The following ZFP90 variants were observed in gnomAD, a reference collection of about 807,000 sequenced individuals.
The protein encoded by ZFP90 is zinc finger protein 90 homolog.
A neutral mutation model predicts 60.8 loss-of-function variants in ZFP90; 38 were observed. The ratio of observed to expected loss-of-function variants is 0.62; its 90% CI spans 0.48 to 0.82. The LOEUF (loss-of-function observed/expected upper bound fraction) is 0.82, where lower values mean the gene tolerates loss of function less well. Ranked by LOEUF, ZFP90 falls within the 40% of genes least tolerant of loss-of-function variation. The probability of loss-of-function intolerance (pLI) is 0.00; values close to 1 mark genes in which losing one functional copy is unlikely to be tolerated. For synonymous variants in ZFP90, 287 were observed against 264.8 expected (o/e 1.08, Z -0.82); for missense variants, 711 against 759.1 (o/e 0.94, Z 0.74).
intron 2 of ZFP90, among the ~76,000 whole-genome samples, chr16:68,540,252 C>A (rs1261385254): frequency 6.6e-6 from 1 of 152,044 alleles, no homozygotes; most frequent in Non-Finnish European, 1.5e-5. Flanking sequence ...CGTAAGGGGC[C>A]GTAGAAGCCT....
intron 2 of ZFP90, among the ~76,000 whole-genome samples, chr16:68,556,398 C>T (rs913727906): frequency 3.3e-5 from 5 of 152,098 alleles, no homozygotes; most frequent in African/African-American, 4.8e-5. Flanking sequence ...TTGACCTAGC[C>T]GTTGTAATTT....
At chr16:68,574,961 A>G (rs1458584852) in intron 2 of ZFP90, among the ~76,000 whole-genome samples, 5 of 151,696 alleles carry the variant, frequency 3.3e-5, no homozygotes, top group Admixed American at 6.6e-5. Context: ...AAAAAGAGAC[A>G]CTGTGAAACC....
rs1383785756 is a variant in ZFP90, at chr16:68,558,472, G to A, written c.161-1G>A. On this transcript the variant is annotated splice_acceptor_variant, in intron 3 of 4. Transcript: ENST00000563169. LOFTEE classifies it high-confidence loss of function. ...AATCTTGTGTATTTACCCATGAGCA[G>A]GATATCAAGTTTCCAAGCCAGAGGT... 1 of 1,613,786 alleles carries A rather than the reference G, an allele frequency of 6.2e-7. No individual in the cohort carries two copies. Among genetic ancestry groups the A allele is most frequent in the Non-Finnish European group, 8.5e-7 (1 of 1,179,858 alleles).
chr16:68,540,172 A>G (rs2091015914), intron 2 of ZFP90, among the ~76,000 whole-genome samples: 1 of 152,054 alleles, frequency 6.6e-6, no homozygotes, highest in African/African-American at 2.4e-5. Context: ...AACACTGTAG[A>G]GGAGGAAGTG....
chr16:68,539,925 C>T (rs2091009450), intron 2 of ZFP90, 100 bp downstream of exon 2: 1 of 1,480,596 alleles, frequency 6.8e-7, no homozygotes, highest in East Asian at 2.5e-5. Flanking sequence ...CTGGCGACTC[C>T]CTTACTTGCT....
chr16:68,535,957 T>A (rs906113387), upstream of ZFP90, among the ~76,000 whole-genome samples: 3 of 152,184 alleles, frequency 2.0e-5, no homozygotes. Context: ...CGGCTCTGCT[T>A]CAGCTTCCTT....
chr16:68,568,938 A>G (rs569269248), downstream of ZFP90, among the ~76,000 whole-genome samples: 10 of 152,256 alleles, frequency 6.6e-5, no homozygotes, highest in South Asian at 4.1e-4. Context: ...TTGGCCTCCC[A>G]AAGTGCTGGG....
chr16:68,557,918 G>T, intron 2 of ZFP90, 80 bp from the exon 3 acceptor site: 1 of 1,578,434 alleles, frequency 6.3e-7, no homozygotes, highest in South Asian at 1.1e-5. Flanking sequence ...ACTTCTGATA[G>T]CTCCTGCAGT....
chr16:68,573,081 G>A (rs536861105), intron 2 of ZFP90, among the ~76,000 whole-genome samples: 3 of 152,352 alleles, frequency 2.0e-5, no homozygotes, highest in Admixed American at 1.3e-4. Context: ...GAGAATGAAG[G>A]GGAAGCTAAT....
chr16:68,555,660 ATGAGTAGGTTTGTT>A (rs1356124380), intron 2 of ZFP90, among the ~76,000 whole-genome samples: 1 of 152,180 alleles, frequency 6.6e-6, no homozygotes, highest in Non-Finnish European at 1.5e-5. Context: ...CATTAAATAG[ATGAGTAGGTTTGTT>A]TGAATAATGG....
intron 2 of ZFP90, among the ~76,000 whole-genome samples, chr16:68,545,379 AT>A (rs1315609954): frequency 3.9e-5 from 6 of 152,188 alleles, no homozygotes; most frequent in Non-Finnish European, 8.8e-5. Context: ...TGCTACTAAT[AT>A]AGCACAAATT....
At chr16:68,557,119 C>A in intron 2 of ZFP90, 1 of 448,644 alleles carries the variant, frequency 2.2e-6, no homozygotes, top group South Asian at 1.6e-5. Context: ...TCCTGAGTAG[C>A]TGGGACTGTA....
upstream of ZFP90, among the ~76,000 whole-genome samples, chr16:68,536,702 C>T (rs892431084): frequency 2.0e-5 from 3 of 152,186 alleles, no homozygotes; most frequent in Non-Finnish European, 4.4e-5. Flanking sequence ...GAATTCAGCA[C>T]CCAGCTTCCT....
chr16:68,559,125 T>G (rs1234305037), intron 4 of ZFP90, among the ~76,000 whole-genome samples: 1 of 152,170 alleles, frequency 6.6e-6, no homozygotes, highest in Non-Finnish European at 1.5e-5. Flanking sequence ...GTCTTTAGCT[T>G]TTCTTGCTTT....
chr16:68,566,300 A>C lies in ZFP90; in HGVS notation c.*1602A>C. ...TGCAGACCAATTTGGGCACAACTGG[A>C]CATTGATTCCTTTTACACAAGAGCT... On this transcript the variant is annotated 3_prime_UTR_variant, in exon 5 of 5. Transcript: ENST00000563169. The C allele has an allele frequency of 1.0e-6, 1 of 985,536 alleles. No individual in the cohort carries two copies. The allele number at this position is 985,536 out of a possible 1,614,324, so 61.0% of individuals were successfully genotyped here.
At chr16:68,549,008 T>G (rs765334020) in intron 2 of ZFP90, among the ~76,000 whole-genome samples, 6 of 152,174 alleles carry the variant, frequency 3.9e-5, no homozygotes, top group Non-Finnish European at 7.3e-5. Flanking sequence ...TTTTCCTGCA[T>G]TGAGAATTAC....
At chr16:68,543,248 G>A (rs2091084351) in intron 2 of ZFP90, among the ~76,000 whole-genome samples, 1 of 152,184 alleles carries the variant, frequency 6.6e-6, no homozygotes, top group African/African-American at 2.4e-5. Flanking sequence ...TTGAGCTGGT[G>A]ATTTGGGGCA....
In ZFP90 at chr16:68,565,338, G is replaced by A. The variant is rs113543669; in HGVS notation, c.*640G>A. The A allele has an allele frequency of 6.8e-5, 67 of 985,502 alleles. No individual in the cohort carries two copies. In the African/African-American group the frequency reaches 7.8e-4, roughly 12 times the overall value. 61.0% of individuals were successfully genotyped at this position (985,502 alleles called of 1,614,324 possible). A position where few individuals can be genotyped will look rare whatever the true frequency, so the allele number is the denominator to read the frequency against. On this transcript the variant is annotated 3_prime_UTR_variant, in exon 5 of 5. Coordinates refer to ENST00000563169, the MANE Select transcript of ZFP90 (RefSeq NM_001305203.2). ...GAAAAGGTTATTTTTGGACTCAGAG[G>A]GCTTTAAAATAAATTTTAAGATGTA...
At chr16:68,576,043 A>ATT (rs1567418621) in exon 3 of ZFP90, 6 of 221,624 alleles carry the variant, frequency 2.7e-5, no homozygotes, top group African/African-American at 1.4e-4. Context: ...ATTTATTTAA[A>ATT]AAAAAAAAAA....
Sources: gnomAD v4.1 joint callset for allele counts (sites outside exome capture counted in the v4.1 genomes callset) on GRCh38, gnomAD v4.1.1 for gene constraint, MANE v1.5 for transcripts, NCBI Gene and HGNC (gene_info 2026-07-23, HGNC 2026-07-21) for gene names.